IKZF3: variants seen among roughly 807,000 people sequenced by gnomAD.
The protein encoded by IKZF3 is zinc finger protein Aiolos.
A neutral mutation model predicts 49.0 loss-of-function variants in IKZF3; 10 were observed. The ratio of observed to expected loss-of-function variants is 0.20; its 90% confidence interval spans 0.13 to 0.35. IKZF3 has a LOEUF of 0.35. Ranked by LOEUF, IKZF3 falls within the 10% of genes least tolerant of loss-of-function variation. The pLI, the probability that IKZF3 is intolerant of heterozygous loss-of-function variation, is 1.00. For missense variants in IKZF3, 498 were observed against 664.8 expected (o/e 0.75, Z 2.76); for synonymous variants, 209 against 228.2 (o/e 0.92, Z 0.76).
chr17:39,775,878 C>T (rs1170813113), intron 7 of IKZF3, among the ~76,000 whole-genome samples: 1 of 150,628 alleles, frequency 6.6e-6, no homozygotes, highest in Admixed American at 6.6e-5. Flanking sequence ...GAGCCGAGAT[C>T]GCGCCATTGC....
At chr17:39,786,826 T>C (rs2060886932) in intron 6 of IKZF3, among the ~76,000 whole-genome samples, 1 of 152,094 alleles carries the variant, frequency 6.6e-6, no homozygotes, top group African/African-American at 2.4e-5. Flanking sequence ...ATAAGTTGGA[T>C]TTCCTTTATC....
rs2060219171 is a variant in IKZF3, at chr17:39,763,227, C to A, written c.*2563G>T. On this transcript the variant is annotated 3_prime_UTR_variant, in exon 8 of 8. Transcript: ENST00000346872. ...CATGGAATTTCATAAAACCTTTTTT[C>A]CTGAGACAGACGCCATGCCACAAAG... 6.6e-6 allele frequency: 1 copy of A among 152,086 alleles called. No individual in the cohort carries two copies. Among genetic ancestry groups the A allele is most frequent in the Non-Finnish European group, 1.5e-5 (1 of 67,980 alleles). The allele number at this position is 152,086 out of a possible 1,614,324, so 9.4% of individuals were successfully genotyped here.
intron 6 of IKZF3, among the ~76,000 whole-genome samples, chr17:39,778,674 G>A (rs182537548): frequency 6.3e-4 from 96 of 152,282 alleles, no homozygotes; most frequent in African/African-American, 2.0e-3. Flanking sequence ...GATGGTGCAT[G>A]CCTGTAATCC....
chr17:39,830,674 C>A (rs544024171), intron 2 of IKZF3, among the ~76,000 whole-genome samples: 1 of 151,950 alleles, frequency 6.6e-6, no homozygotes, highest in African/African-American at 2.4e-5. Flanking sequence ...GAAAAGTTAC[C>A]CTCTTTTTAT....
intron 7 of IKZF3, among the ~76,000 whole-genome samples, chr17:39,769,747 C>A (rs1369289293): frequency 6.6e-6 from 1 of 152,194 alleles, no homozygotes; most frequent in African/African-American, 2.4e-5. Context: ...TTTCACCCAA[C>A]AGAGAGGCTC....
intron 6 of IKZF3, among the ~76,000 whole-genome samples, chr17:39,782,655 A>G (rs1252348033): frequency 6.6e-6 from 1 of 152,152 alleles, no homozygotes; most frequent in Non-Finnish European, 1.5e-5. Flanking sequence ...TTGGCAAGAT[A>G]GTAAGGGAAC....
chr17:39,796,110 G>A (rs1443041220), intron 3 of IKZF3, among the ~76,000 whole-genome samples: 1 of 152,006 alleles, frequency 6.6e-6, no homozygotes, highest in Non-Finnish European at 1.5e-5. Flanking sequence ...GAGATATTAG[G>A]CTTAGTACTC....
intron 3 of IKZF3, among the ~76,000 whole-genome samples, chr17:39,798,212 C>T (rs1299233209): frequency 2.6e-5 from 4 of 152,216 alleles, no homozygotes; most frequent in Non-Finnish European, 4.4e-5. Flanking sequence ...CCTTCTTTCT[C>T]CTTTCCAGCC....
At chr17:39,812,613 C>T (rs1179427393) in intron 3 of IKZF3, among the ~76,000 whole-genome samples, 3 of 152,202 alleles carry the variant, frequency 2.0e-5, no homozygotes, top group Non-Finnish European at 4.4e-5. Context: ...GGGTACCTTC[C>T]TCTAGCTATC....
At position 39,773,911 on chromosome 17, in the gene IKZF3, A is replaced by C. The variant is rs144007690; in HGVS notation, c.826+3740T>G. ...CAACTTAAACAGAATTATTCTGACA[A>C]TGTAAAGATGGTGATTCCTGATGGA... On this transcript the variant is annotated intron_variant, in intron 7 of 7. Transcript: ENST00000346872. Among the ~76,000 whole-genome samples, 266 of 151,998 alleles carry C rather than the reference A, an allele frequency of 1.8e-3. 1 individual carries two copies. Among genetic ancestry groups the C allele is most frequent in the African/African-American group, 5.8e-3 (239 of 41,446 alleles).
intron 1 of IKZF3, among the ~76,000 whole-genome samples, chr17:39,833,956 C>T (rs1323437158): frequency 6.6e-6 from 1 of 152,064 alleles, no homozygotes; most frequent in African/African-American, 2.4e-5. Flanking sequence ...TTTTCTGTTG[C>T]AGGATCCCTT....
At chr17:39,863,479 T>C (rs772164063) in intron 1 of IKZF3, among the ~76,000 whole-genome samples, 12 of 152,136 alleles carry the variant, frequency 7.9e-5, no homozygotes, top group Non-Finnish European at 1.5e-4. Flanking sequence ...GAAAAGACCA[T>C]TGAAGAGTTT....
chr17:39,853,986 C>T (rs1225785216), intron 1 of IKZF3, among the ~76,000 whole-genome samples: 29 of 151,834 alleles, frequency 1.9e-4, no homozygotes, highest in African/African-American at 2.4e-5. Flanking sequence ...ATTAGCTGGG[C>T]GTGGTGGCAC....
intron 7 of IKZF3, 127 bp downstream of exon 7, chr17:39,777,524 G>A (rs140864023): frequency 1.6e-6 from 1 of 620,112 alleles, no homozygotes; most frequent in Non-Finnish European, 2.8e-6. Flanking sequence ...AAGAATAAAA[G>A]TACACAATGA....
At chr17:39,833,024 T>A (rs1270305920) in intron 1 of IKZF3, among the ~76,000 whole-genome samples, 3 of 152,088 alleles carry the variant, frequency 2.0e-5, no homozygotes, top group East Asian at 3.8e-4. Context: ...TAAAAAATTT[T>A]AAAAAAAGAA....
chr17:39,852,396 T>A (rs145594431), intron 1 of IKZF3, among the ~76,000 whole-genome samples: 2 of 152,290 alleles, frequency 1.3e-5, no homozygotes, highest in Admixed American at 1.3e-4. Context: ...CACTAGCAAG[T>A]GTTATGTTGC....
At chr17:39,815,421 T>C (rs1439535956) in intron 3 of IKZF3, among the ~76,000 whole-genome samples, 2 of 152,238 alleles carry the variant, frequency 1.3e-5, no homozygotes, top group African/African-American at 4.8e-5. Context: ...TATCCCTCAG[T>C]ACACTAGCAT....
At position 39,833,513 on chromosome 17, in the gene IKZF3, G is replaced by A. The variant is rs375567469; in HGVS notation, c.8-1362C>T. 7.2e-5 allele frequency among the ~76,000 whole-genome samples: 11 copies of A among 152,174 alleles called. No individual in the cohort carries two copies. The South Asian group carries it at 8.3e-4, about 11-fold the overall frequency. On this transcript the variant is annotated intron_variant, in intron 1 of 7. Coordinates refer to ENST00000346872, the MANE Select transcript of IKZF3 (RefSeq NM_012481.5). ...AACTTCATAAAAACAGAATCACACAGACATATGGTATAAATTATTTTGCCC... is the reference window on the plus strand; with the variant it reads ...AACTTCATAAAAACAGAATCACACAAACATATGGTATAAATTATTTTGCCC...
rs192394232 is a variant in IKZF3 at position 39,806,729 on chromosome 17, T to C, written c.164-13796A>G. 7.8e-4 allele frequency among the ~76,000 whole-genome samples: 119 copies of C among 152,306 alleles called. 1 individual carries two copies. Among genetic ancestry groups the C allele is most frequent in the Admixed American group, 2.3e-3 (35 of 15,298 alleles). On this transcript the variant is annotated intron_variant, in intron 3 of 7. Transcript: ENST00000346872. ...GGCTCCTAGCATTCACACCCTTGTG[T>C]AATATTCCCCTCCAGTGTGGGCTGG...
Sources: allele counts gnomAD v4.1 joint callset (sites outside exome capture counted in the v4.1 genomes callset), GRCh38; gene constraint gnomAD v4.1.1; transcripts MANE v1.5; gene names NCBI Gene and HGNC (gene_info 2026-07-23, HGNC 2026-07-21).